FBXO38: variants seen among roughly 807,000 people sequenced by gnomAD.
FBXO38 encodes the protein F-box protein 38, also known as F-box only protein 38.
Under a neutral mutation model 131.9 loss-of-function variants are expected in FBXO38, and 53 were observed. The observed-to-expected ratio is 0.40, with a 90% CI of 0.32 to 0.51. FBXO38 has a LOEUF of 0.51. FBXO38 is among the 20% of genes least tolerant of loss of function. The pLI, the probability that FBXO38 is intolerant of heterozygous loss-of-function variation, is 0.53. For missense variants in FBXO38, 1,076 were observed against 1,475.6 expected (o/e 0.73, Z 4.44); for synonymous variants, 452 against 505.6 (o/e 0.89, Z 1.42).
rs781779140 is a variant in FBXO38 at position 148,414,122 on chromosome 5, A to G, written c.1094-14A>G. 3 of 1,556,930 alleles carry G rather than the reference A, an allele frequency of 1.9e-6. No individual in the cohort carries two copies. Among genetic ancestry groups the G allele is most frequent in the Non-Finnish European group, 2.6e-6 (3 of 1,158,544 alleles). ...ATTTGACTTTTTTTTTTTTTAATTG[A>G]TTGCTCTTTTTAGGCAGAATGGCTA... On this transcript the variant is annotated splice_polypyrimidine_tract_variant and intron_variant, in intron 9 of 21. Coordinates refer to ENST00000340253, the MANE Select transcript of FBXO38 (RefSeq NM_205836.3).
Position 148,402,169 on chromosome 5 carries a change from T to G in FBXO38, c.426+24T>G, listed in dbSNP as rs34685718. 0.27 allele frequency: 429,603 copies of G among 1,590,644 alleles called. 58,913 individuals carry two copies. Among genetic ancestry groups the G allele is most frequent in the African/African-American group, 0.33 (24,168 of 74,106 alleles). ...TGGTGAGTGCACCTGGTTGAACATT[T>G]TGGCATCAACTGTTTATGAAATAAT... On this transcript the variant is annotated intron_variant, in intron 4 of 21. Coordinates refer to ENST00000340253, the MANE Select transcript of FBXO38 (RefSeq NM_205836.3).
chr5:148,387,924 T>C (rs535143118), intron 1 of FBXO38, among the ~76,000 whole-genome samples: 1 of 152,192 alleles, frequency 6.6e-6, no homozygotes, highest in East Asian at 1.9e-4. Flanking sequence ...GCTCCTGACC[T>C]TGTGATCTGC....
At chr5:148,421,009 C>T (rs1026982311) in intron 12 of FBXO38, among the ~76,000 whole-genome samples, 6 of 151,814 alleles carry the variant, frequency 4.0e-5, no homozygotes, top group African/African-American at 1.2e-4. Flanking sequence ...CTCTGTCACC[C>T]AGACTGGAGT....
chr5:148,394,668 T>G (rs1357840675), intron 1 of FBXO38, 46 bp from the exon 2 acceptor site: 2 of 966,634 alleles, frequency 2.1e-6, no homozygotes, highest in Non-Finnish European at 1.4e-6. Context: ...TGGGTTTTAG[T>G]AGGGGGTGTG....
chr5:148,410,635 G>T lies in FBXO38; in HGVS notation c.963G>T (p.Arg321Ser). 1.2e-6 allele frequency: 2 copies of T among 1,613,874 alleles called. No individual in the cohort carries two copies. The highest frequency in any genetic ancestry group is 1.7e-6 in the Non-Finnish European group (2 of 1,179,948). ...LGYLIITAAR[R>S]LHEVRIQPSL... Reference sequence around the variant, plus strand: ...ATATGTTCTCTGTCTTTATTCACAGGTTACATGAAGTTCGGATCCAGCCTT... The same window carrying T: ...ATATGTTCTCTGTCTTTATTCACAGTTTACATGAAGTTCGGATCCAGCCTT... Residue 321 changes from arginine to serine, a missense_variant and splice_region_variant, in exon 9 of 22, where the codon AGG (arginine) becomes AGT (serine). Coordinates refer to ENST00000340253, the MANE Select transcript of FBXO38 (RefSeq NM_205836.3).
intron 8 of FBXO38, 147 bp from the exon 9 acceptor site, chr5:148,410,488 G>A: frequency 2.1e-6 from 2 of 944,344 alleles, no homozygotes; most frequent in South Asian, 1.6e-5. Context: ...GTGGAACTGT[G>A]AGTCCATTAA....
At chr5:148,423,864 G>C in intron 12 of FBXO38, 134 bp from the exon 13 acceptor site, 1 of 671,474 alleles carries the variant, frequency 1.5e-6, no homozygotes, top group African/African-American at 1.8e-5. Context: ...AGTGTATGCA[G>C]TATATGCTGT....
chr5:148,403,048 C>T (rs529028419), intron 5 of FBXO38, among the ~76,000 whole-genome samples: 1 of 152,118 alleles, frequency 6.6e-6, no homozygotes, highest in South Asian at 2.1e-4. Context: ...CTTAGATACA[C>T]AATTATGGGA....
intron 20 of FBXO38, 74 bp from the exon 21 acceptor site, chr5:148,441,050 G>C (rs1277511832): frequency 2.1e-6 from 2 of 943,152 alleles, no homozygotes; most frequent in African/African-American, 1.6e-5. Flanking sequence ...TTTACATTCT[G>C]CTTACAAAAT....
intron 20 of FBXO38, 45 bp from the exon 21 acceptor site, chr5:148,441,079 G>A: frequency 7.0e-7 from 1 of 1,420,050 alleles, no homozygotes; most frequent in Non-Finnish European, 1.0e-6. Flanking sequence ...ATTTGGCTCT[G>A]TCAGCACTCC....
intron 2 of FBXO38, among the ~76,000 whole-genome samples, chr5:148,398,613 C>G (rs1751952685): frequency 6.6e-6 from 1 of 151,628 alleles, no homozygotes; most frequent in Non-Finnish European, 1.5e-5. Flanking sequence ...TGTGCATGTT[C>G]AAATTGAGTA....
chr5:148,397,115 GTCT>G (rs1289266474), intron 2 of FBXO38, among the ~76,000 whole-genome samples: 4 of 152,100 alleles, frequency 2.6e-5, no homozygotes, highest in Admixed American at 2.6e-4. Flanking sequence ...TCATTTTTTA[GTCT>G]TCTAAAATTT....
chr5:148,410,372 T>A, intron 8 of FBXO38: 1 of 466,060 alleles, frequency 2.1e-6, no homozygotes, highest in East Asian at 4.3e-5. Flanking sequence ...CAGCCTCTCT[T>A]TTTTTGCCTG....
chr5:148,422,215 G>T (rs1262553485), intron 12 of FBXO38, among the ~76,000 whole-genome samples: 4 of 152,112 alleles, frequency 2.6e-5, no homozygotes, highest in Non-Finnish European at 5.9e-5. Flanking sequence ...CTTAGAATAA[G>T]ATCCAGCTTC....
Position 148,427,382 on chromosome 5 carries a change from A to G in FBXO38, c.2088A>G (p.Lys696=), listed in dbSNP as rs2113627770. The stretch of plus-strand genomic sequence containing the variant: ...CTAGGGATATTCCTGAAAAGAAAAA[A>G]AACAAGGATGTTTATCCCAGCTGCA... The part of the protein sequence containing the change: ...KAARDIPEKK[K]NKDVYPSCSS... The change falls in exon 15 of 22, where the codon AAA becomes AAG. Residue 696 remains lysine (K), a synonymous_variant. Transcript: ENST00000340253. 1 of 1,614,172 alleles carries G rather than the reference A, an allele frequency of 6.2e-7. No individual in the cohort carries two copies. Among genetic ancestry groups the G allele is most frequent in the Non-Finnish European group, 8.5e-7 (1 of 1,180,028 alleles).
rs760580207 is a variant in FBXO38 at position 148,425,623 on chromosome 5, A to G, written c.1840A>G (p.Ile614Val). 4 of 1,614,024 alleles carry G rather than the reference A, an allele frequency of 2.5e-6. No individual in the cohort carries two copies. In the Admixed American group the frequency reaches 5.0e-5, roughly 20 times the overall value. The change falls in exon 14 of 22, where the codon ATT (isoleucine) becomes GTT (valine). Residue 614 changes from isoleucine (I) to valine (V), a missense_variant. Physicochemically the swap from Ile to Val is conservative, Grantham distance 29 (BLOSUM62 3). This residue lies in a region of FBXO38 where 212 missense variants were observed against 221.2 expected (regional missense o/e 0.96). Coordinates refer to ENST00000340253, the MANE Select transcript of FBXO38 (RefSeq NM_205836.3). ...EDSLELQEVWIPKNGTRRYSE... is the reference protein window; with the variant it reads ...EDSLELQEVWVPKNGTRRYSE... The stretch of plus-strand genomic sequence containing the variant: ...TAGTCTAGAACTCCAAGAAGTCTGG[A>G]TTCCTAAGAACGGTACTCGGCGTTA...
Position 148,414,414 on chromosome 5 carries a change from A to G in FBXO38, c.1264+108A>G. On this transcript the variant is annotated intron_variant, in intron 10 of 21. Transcript: ENST00000340253. ...TGCATTCCTAATGTAAAATGTAGGT[A>G]TTTCATTTGGATTGTTCATACAAGT... 3 of 1,024,972 alleles carry G rather than the reference A, an allele frequency of 2.9e-6. No homozygotes were observed. In the East Asian group the frequency reaches 7.6e-5, roughly 26 times the overall value. 63.5% of individuals were successfully genotyped at this position (1,024,972 alleles called of 1,614,324 possible).
At chr5:148,384,675 T>C (rs1356900269) in intron 1 of FBXO38, 1 of 152,254 alleles carries the variant, frequency 6.6e-6, no homozygotes, top group Non-Finnish European at 1.5e-5. Flanking sequence ...ATGGAGTCTT[T>C]ACAGACCTGA....
At chr5:148,434,759 A>G (rs1754247141) in intron 17 of FBXO38, 1 of 152,208 alleles carries the variant, frequency 6.6e-6, no homozygotes. Context: ...GTGAAGTAGC[A>G]TTGTATTTTT....
Sources: gnomAD v4.1 joint callset for allele counts (sites outside exome capture counted in the v4.1 genomes callset) on GRCh38, gnomAD v4.1.1 for gene constraint, gnomAD v4.1.1 regional missense constraint, MANE v1.5 for transcripts, NCBI Gene and HGNC (gene_info 2026-07-23, HGNC 2026-07-21) for gene names.